USP47: variants seen among roughly 807,000 people sequenced by gnomAD.
The protein encoded by USP47 is ubiquitin carboxyl-terminal hydrolase 47.
In USP47, 35 loss-of-function variants were observed where a neutral mutation model predicts 165.1. The ratio of observed to expected loss-of-function variants is 0.21; its 90% confidence interval spans 0.16 to 0.28. The LOEUF (loss-of-function observed/expected upper bound fraction) is 0.28. USP47 is among the 10% of genes least tolerant of loss of function. USP47 has a pLI of 1.00. For synonymous variants in USP47, 531 were observed against 544.5 expected, an observed-to-expected ratio of 0.98 and a Z score of 0.35; for missense variants, 1,277 against 1,607.4, an observed-to-expected ratio of 0.79 and a Z score of 3.52.
In USP47 at chr11:11,940,485, T is replaced by G; in HGVS notation, c.2250T>G (p.Asp750Glu). Residue 750 changes from aspartate to glutamate, a missense_variant, in exon 19 of 28, where the codon GAT becomes GAG. Around this residue, in one of 4 missense-constraint regions of USP47, gnomAD observed 909 missense variants for 1,068.1 expected, o/e 0.85. Transcript: ENST00000527733. The part of the protein sequence containing the change: ...MRIVLERCYN[D>E]LRLLSVSSKT... Reference sequence around the variant, plus strand: ...TAGTGCTGGAACGCTGCTACAATGATTTGCGTCTTCTCAGTGTCTCCAGTA... The same window carrying G: ...TAGTGCTGGAACGCTGCTACAATGAGTTGCGTCTTCTCAGTGTCTCCAGTA... 6.2e-7 allele frequency: 1 copy of G among 1,612,060 alleles called. No individual in the cohort carries two copies. The highest frequency in any genetic ancestry group is 8.5e-7 in the Non-Finnish European group (1 of 1,178,640).
At chr11:11,895,962 A>G (rs1363331023) in intron 4 of USP47, among the ~76,000 whole-genome samples, 1 of 152,230 alleles carries the variant, frequency 6.6e-6, no homozygotes, top group Non-Finnish European at 1.5e-5. Context: ...TGTAGAATCC[A>G]CTTGATAATA....
At chr11:11,865,985 T>G (rs893965405) in intron 1 of USP47, among the ~76,000 whole-genome samples, 14 of 152,188 alleles carry the variant, frequency 9.2e-5, no homozygotes, top group African/African-American at 2.9e-4. Flanking sequence ...ACTCTGATAG[T>G]GCCCTTTGAT....
chr11:11,843,592 A>G (rs760303460), intron 1 of USP47, among the ~76,000 whole-genome samples: 1 of 152,226 alleles, frequency 6.6e-6, no homozygotes, highest in Non-Finnish European at 1.5e-5. Flanking sequence ...ATAAATGTGT[A>G]TTTCATTTTA....
intron 20 of USP47, among the ~76,000 whole-genome samples, chr11:11,947,003 A>G (rs924501397): frequency 6.6e-6 from 1 of 152,186 alleles, no homozygotes; most frequent in African/African-American, 2.4e-5. Context: ...TTTACCTTCC[A>G]TGTAGCTTTA....
intron 8 of USP47, among the ~76,000 whole-genome samples, chr11:11,910,508 C>T (rs1317814305): frequency 6.6e-6 from 1 of 152,028 alleles, no homozygotes; most frequent in Non-Finnish European, 1.5e-5. Context: ...GAGTGGGGAG[C>T]CTAGATTCTC....
At chr11:11,900,560 A>G (rs1160398727) in intron 5 of USP47, among the ~76,000 whole-genome samples, 1 of 152,178 alleles carries the variant, frequency 6.6e-6, no homozygotes, top group African/African-American at 2.4e-5. Context: ...GAAAGTTTAT[A>G]TAGTGCAGTG....
At chr11:11,906,437 A>G (rs1020904969) in intron 8 of USP47, among the ~76,000 whole-genome samples, 2 of 152,186 alleles carry the variant, frequency 1.3e-5, no homozygotes, top group African/African-American at 4.8e-5. Context: ...CTATACTTCT[A>G]AGATAGTGCT....
chr11:11,917,291 C>G (rs1198986274), intron 8 of USP47, among the ~76,000 whole-genome samples: 1 of 152,080 alleles, frequency 6.6e-6, no homozygotes, highest in Non-Finnish European at 1.5e-5. Flanking sequence ...ATTATGACAG[C>G]TATAAAAAGA....
intron 1 of USP47, among the ~76,000 whole-genome samples, chr11:11,877,072 C>G (rs1850473766): frequency 1.3e-5 from 2 of 151,726 alleles, no homozygotes; most frequent in South Asian, 4.2e-4. Flanking sequence ...AACCTTTTTA[C>G]ATTTAAATGT....
chr11:11,920,345 C>T lies in USP47; in HGVS notation c.1069C>T (p.Leu357Phe). The change falls in exon 10 of 28, where the codon CTT becomes TTT. Residue 357 changes from leucine (L) to phenylalanine (F), a missense_variant. Coordinates refer to ENST00000527733, the MANE Select transcript of USP47 (RefSeq NM_001282659.2). ...CTTTTTGTTGTTTGTTTTTTAGGGC[C>T]TTCGGTTTTTGCATTTTCCTTATCT... is the stretch of plus-strand genomic sequence containing the variant. ...CKKKCDARKG[L>F]RFLHFPYLLT... 6.2e-7 allele frequency: 1 copy of T among 1,604,810 alleles called. No individual in the cohort carries two copies. Among genetic ancestry groups the T allele is most frequent in the Non-Finnish European group, 8.5e-7 (1 of 1,176,302 alleles).
intron 2 of USP47, among the ~76,000 whole-genome samples, chr11:11,882,080 A>C (rs955816255): frequency 6.6e-6 from 1 of 152,124 alleles, no homozygotes; most frequent in Non-Finnish European, 1.5e-5. Context: ...AATAGTTAGA[A>C]TTATTTTCAG....
At chr11:11,929,327 G>T (rs1174503127) in intron 11 of USP47, 107 bp from the exon 12 acceptor site, 1 of 1,457,770 alleles carries the variant, frequency 6.9e-7, no homozygotes, top group East Asian at 2.3e-5. Flanking sequence ...TAATATATAG[G>T]ACAACTTACC....
chr11:11,887,754 C>G (rs940914226), intron 3 of USP47, among the ~76,000 whole-genome samples: 3 of 152,146 alleles, frequency 2.0e-5, no homozygotes, highest in East Asian at 1.9e-4. Context: ...ACTCCCCACC[C>G]CACAACAACA....
chr11:11,891,305 C>G (rs1450848143), intron 3 of USP47, among the ~76,000 whole-genome samples: 3 of 152,136 alleles, frequency 2.0e-5, no homozygotes, highest in Non-Finnish European at 4.4e-5. Flanking sequence ...TGATGCTTTT[C>G]ATTTAGAAGT....
At chr11:11,905,904 T>C (rs1216176604) in intron 8 of USP47, among the ~76,000 whole-genome samples, 1 of 152,096 alleles carries the variant, frequency 6.6e-6, no homozygotes, top group African/African-American at 2.4e-5. Context: ...AAGTACTTTG[T>C]TTTGGGGGGA....
chr11:11,950,109 C>A, intron 23 of USP47, 105 bp downstream of exon 23: 2 of 880,278 alleles, frequency 2.3e-6, no homozygotes, highest in Non-Finnish European at 3.4e-6. Context: ...ATTTCCTGTG[C>A]TATTCAGAAT....
intron 7 of USP47, among the ~76,000 whole-genome samples, chr11:11,904,948 A>G (rs1289082998): frequency 1.3e-5 from 2 of 152,168 alleles, no homozygotes; most frequent in East Asian, 1.9e-4. Context: ...GAGAAGTGAT[A>G]TACATATGTA....
At chr11:11,934,328 AATCTACT>A (rs1297731567) in intron 16 of USP47, among the ~76,000 whole-genome samples, 15 of 152,294 alleles carry the variant, frequency 9.8e-5, no homozygotes, top group African/African-American at 3.6e-4. Flanking sequence ...TGGAGTTTAC[AATCTACT>A]GGAAAGAACA....
chr11:11,867,610 C>G (rs1849766588), intron 1 of USP47, among the ~76,000 whole-genome samples: 1 of 151,988 alleles, frequency 6.6e-6, no homozygotes, highest in Non-Finnish European at 1.5e-5. Flanking sequence ...TATAATGTAA[C>G]TGATAGTTTC....
Sources: allele counts gnomAD v4.1 joint callset (sites outside exome capture counted in the v4.1 genomes callset), GRCh38; gene constraint gnomAD v4.1.1; regional missense constraint gnomAD v4.1.1; transcripts MANE v1.5; gene names NCBI Gene and HGNC (gene_info 2026-07-23, HGNC 2026-07-21).